Variants in PLD3 observed in about 807,000 individuals in gnomAD.
The protein encoded by PLD3 is phospholipase D family member 3, also known as 5'-3' exonuclease PLD3.
A neutral mutation model predicts 58.4 loss-of-function variants in PLD3; 31 were observed. The ratio of observed to expected loss-of-function variants is 0.53; its 90% CI spans 0.40 to 0.72. The LOEUF is 0.72. Ranked by LOEUF, PLD3 falls within the 30% of genes least tolerant of loss-of-function variation. PLD3 has a pLI of 0.00. For synonymous variants in PLD3, 264 were observed against 273.4 expected (o/e 0.97, Z 0.34); for missense variants, 595 against 659.8 (o/e 0.90, Z 1.08).
In PLD3 at chr19:40,374,606, C is replaced by T. The variant is rs1245705966; in HGVS notation, c.1005C>T (p.Phe335=). The T allele has an allele frequency of 1.2e-6, 2 of 1,614,102 alleles. No individual in the cohort carries two copies. Among genetic ancestry groups the T allele is most frequent in the South Asian group, 2.2e-5 (2 of 91,074 alleles). Residue 335 remains phenylalanine, a synonymous_variant, in exon 10 of 13, where the codon TTC becomes TTT. Coordinates refer to ENST00000409735, the MANE Select transcript of PLD3 (RefSeq NM_012268.4). ...AVMNYLPTLE[F]SHPHRFWPAI... ...TGAACTACCTGCCCACTCTGGAGTT[C>T]TCCCACCCTCACAGGTACTGCTGGG...
In PLD3 at chr19:40,366,373, G is replaced by A. The variant is rs2078922414; in HGVS notation, c.-65-46G>A. ...TCACTCTTCTGTGATGTCTGTCCCT[G>A]GAAAGCGTAGAACACCCCACACAGT... On this transcript the variant is annotated intron_variant, in intron 2 of 12. Transcript: ENST00000409735. The A allele has an allele frequency of 3.3e-6, 3 of 906,308 alleles. No individual in the cohort carries two copies. In the Admixed American group the frequency reaches 5.1e-5, roughly 15 times the overall value. 56.1% of individuals were successfully genotyped at this position (906,308 alleles called of 1,614,324 possible). A position where few individuals can be genotyped will look rare whatever the true frequency, so the allele number is the denominator to read the frequency against.
chr19:40,370,063 TGG>T, intron 7 of PLD3, 35 bp downstream of exon 7: 1 of 1,578,630 alleles, frequency 6.3e-7, no homozygotes, highest in Non-Finnish European at 8.6e-7. Flanking sequence ...GGTCTGGGCC[TGG>T]GGGTACCCAG....
chr19:40,375,899 G>A (rs1489360770), intron 10 of PLD3, among the ~76,000 whole-genome samples: 1 of 150,902 alleles, frequency 6.6e-6, no homozygotes, highest in African/African-American at 2.4e-5. Flanking sequence ...AGAAAAATTG[G>A]AAGATTAGCC....
chr19:40,376,918 C>T, intron 11 of PLD3, 144 bp downstream of exon 11: 3 of 780,092 alleles, frequency 3.8e-6, no homozygotes, highest in Non-Finnish European at 6.0e-6. Context: ...GGGCCAGGGT[C>T]ATGGGGCACA....
intron 1 of PLD3, among the ~76,000 whole-genome samples, chr19:40,351,255 A>G (rs1475323483): frequency 6.6e-6 from 1 of 151,532 alleles, no homozygotes; most frequent in Admixed American, 6.6e-5. Context: ...AAACAAAACA[A>G]AAAAACGGCC....
chr19:40,361,563 C>A (rs1012566752), intron 1 of PLD3, among the ~76,000 whole-genome samples: 5 of 152,174 alleles, frequency 3.3e-5, no homozygotes, highest in Non-Finnish European at 5.9e-5. Flanking sequence ...CCACTCCCCC[C>A]AGCCCACTTC....
At chr19:40,361,176 T>A (rs1460692667) in intron 1 of PLD3, among the ~76,000 whole-genome samples, 1 of 152,028 alleles carries the variant, frequency 6.6e-6, no homozygotes, top group African/African-American at 2.4e-5. Flanking sequence ...AATGGCGCAA[T>A]CTTGGCTCAC....
At chr19:40,360,517 C>CG (rs2078754289) in intron 1 of PLD3, 2 of 145,908 alleles carry the variant, frequency 1.4e-5, no homozygotes. Context: ...GAGGCCGAGA[C>CG]AGTCGATCAT....
At chr19:40,359,816 G>A (rs908289223) in intron 1 of PLD3, 3 of 152,172 alleles carry the variant, frequency 2.0e-5, no homozygotes, top group Admixed American at 6.5e-5. Context: ...CCTCCTGCAT[G>A]TCAGGGGCTC....
chr19:40,371,834 G>C lies in PLD3; in HGVS notation c.840G>C (p.Glu280Asp). The change falls in exon 9 of 13, where the codon GAG becomes GAC. Residue 280 changes from glutamate (E) to aspartate (D), a missense_variant. By Grantham distance (45) the Glu-to-Asp change is conservative (BLOSUM62 2). Transcript: ENST00000409735. ...DTRYNQETPM[E>D]ICLNGTPALA... ...GCTACAACCAAGAGACACCAATGGA[G>C]ATCTGCCTCAATGGAACCCCTGCTC... The C allele has an allele frequency of 1.2e-6, 2 of 1,614,150 alleles. No individual in the cohort carries two copies. Among genetic ancestry groups the C allele is most frequent in the East Asian group, 2.2e-5 (1 of 44,886 alleles).
chr19:40,371,991 C>T, intron 9 of PLD3, 118 bp downstream of exon 9: 1 of 790,168 alleles, frequency 1.3e-6, no homozygotes, highest in Non-Finnish European at 2.1e-6. Flanking sequence ...AGTTCTCACC[C>T]CAGCTCATTC....
chr19:40,374,381 G>A, intron 9 of PLD3, 100 bp from the exon 10 acceptor site: 1 of 1,278,144 alleles, frequency 7.8e-7, no homozygotes, highest in Non-Finnish European at 1.1e-6. Flanking sequence ...GATTTGGTGA[G>A]ATCCACAGTA....
At chr19:40,352,461 G>C (rs150889998) in intron 1 of PLD3, among the ~76,000 whole-genome samples, 3 of 152,192 alleles carry the variant, frequency 2.0e-5, no homozygotes, top group African/African-American at 7.2e-5. Flanking sequence ...CTGGAAGCTT[G>C]AGGCAGCTTG....
In PLD3 at chr19:40,378,319, C is replaced by T. The variant is rs1373368296; in HGVS notation, c.*146C>T. On this transcript the variant is annotated 3_prime_UTR_variant, in exon 13 of 13. Coordinates refer to ENST00000409735, the MANE Select transcript of PLD3 (RefSeq NM_012268.4). ...CTCCCCTGCTCTCCCACCTCTACCT[C>T]CACCCCCACCGGCCTGACGCTGTGG... is the stretch of plus-strand genomic sequence containing the variant. 2.6e-6 allele frequency: 2 copies of T among 782,692 alleles called. No homozygotes were observed. Among genetic ancestry groups the T allele is most frequent in the Non-Finnish European group, 4.4e-6 (2 of 453,344 alleles). 48.5% of individuals were successfully genotyped at this position (782,692 alleles called of 1,614,324 possible).
intron 1 of PLD3, chr19:40,357,335 C>T (rs2078678225): frequency 6.6e-6 from 1 of 152,258 alleles, no homozygotes; most frequent in African/African-American, 2.4e-5. Context: ...AAGCGATCCT[C>T]CCACTTCAGC....
intron 2 of PLD3, chr19:40,366,192 G>C (rs1289249905): frequency 2.1e-5 from 11 of 513,164 alleles, no homozygotes; most frequent in Admixed American, 7.1e-5. Flanking sequence ...GGGTGCTGAT[G>C]GGGGCAGGGT....
Position 40,374,496 on chromosome 19 carries a change from C to T in PLD3, c.895C>T (p.Leu299=), listed in dbSNP as rs2079144910. The T allele has an allele frequency of 1.9e-6, 3 of 1,614,126 alleles. No homozygotes were observed. The highest frequency in any genetic ancestry group is 2.5e-6 in the Non-Finnish European group (3 of 1,179,994). Residue 299 remains leucine (L), a synonymous_variant, in exon 10 of 13, where the codon CTG becomes TTG. Coordinates refer to ENST00000409735, the MANE Select transcript of PLD3 (RefSeq NM_012268.4). ...TCGCCCTCAGAGTGCGCCCCCACCC[C>T]TGTGTCCAAGTGGCCGCACTCCAGA... is the stretch of plus-strand genomic sequence containing the variant. The part of the protein sequence containing the change: ...LAYLASAPPP[L]CPSGRTPDLK...
At chr19:40,373,986 C>T (rs992619863) in intron 9 of PLD3, among the ~76,000 whole-genome samples, 17 of 130,878 alleles carry the variant, frequency 1.3e-4, no homozygotes, top group African/African-American at 4.9e-4. Flanking sequence ...AGCAAGACTC[C>T]ATCTCAAAAA....
chr19:40,351,101 C>T (rs919444733), intron 1 of PLD3, among the ~76,000 whole-genome samples: 3 of 151,780 alleles, frequency 2.0e-5, no homozygotes, highest in African/African-American at 7.3e-5. Flanking sequence ...TGGTGGTGTG[C>T]GCCTGTGGTC....
Sources: allele counts gnomAD v4.1 joint callset (sites outside exome capture counted in the v4.1 genomes callset), GRCh38; gene constraint gnomAD v4.1.1; transcripts MANE v1.5; gene names NCBI Gene and HGNC (gene_info 2026-07-23, HGNC 2026-07-21).